KIRREL3: variants seen among roughly 807,000 people sequenced by gnomAD.
KIRREL3 encodes the protein kin of IRRE-like protein 3.
Under a neutral mutation model 89.7 loss-of-function variants are expected in KIRREL3, and 36 were observed. The ratio of observed to expected loss-of-function variants is 0.40; its 90% CI spans 0.31 to 0.53. KIRREL3 has a LOEUF of 0.53. KIRREL3 is among the 20% of genes least tolerant of loss of function. The pLI is 0.49. For synonymous variants in KIRREL3, 445 were observed against 441.4 expected (o/e 1.01, Z -0.10); for missense variants, 864 against 1,056.6 (o/e 0.82, Z 2.53).
intron 1 of KIRREL3, among the ~76,000 whole-genome samples, chr11:126,864,362 C>T (rs1392365376): frequency 6.6e-6 from 1 of 152,154 alleles, no homozygotes; most frequent in East Asian, 1.9e-4. Context: ...GCTCCTTTTT[C>T]CTCCATGAAA....
At chr11:126,944,436 A>G (rs7932933) in intron 1 of KIRREL3, 14,398 of 152,272 alleles carry the variant, frequency 0.095, 772 homozygotes, top group African/African-American at 0.15. Flanking sequence ...CACTGTGAAG[A>G]AAGAGTAATG....
chr11:126,431,162 A>C lies in KIRREL3; in HGVS notation c.1696+257T>G. 5 of 1,446,052 alleles carry C rather than the reference A, an allele frequency of 3.5e-6. No homozygotes were observed. Among genetic ancestry groups the C allele is most frequent in the Non-Finnish European group, 3.6e-6 (4 of 1,101,480 alleles). The allele number at this position is 1,446,052 out of a possible 1,614,324, so 89.6% of individuals were successfully genotyped here. A position where few individuals can be genotyped will look rare whatever the true frequency, so the allele number is the denominator to read the frequency against. On this transcript the variant is annotated intron_variant, in intron 14 of 16. Coordinates refer to ENST00000525144, the MANE Select transcript of KIRREL3 (RefSeq NM_032531.4). This position sits in a 1 kb window ranked among gnomAD's most constrained non-coding sequence, Gnocchi z 7.1. ...TCCTGACTGAAAGAGCTATGTGTTC[A>C]ATCCAAAATGCTGGCTGCCCTGCAG...
chr11:126,434,932 C>T (rs572795013), intron 13 of KIRREL3, among the ~76,000 whole-genome samples: 1 of 152,172 alleles, frequency 6.6e-6, no homozygotes, highest in East Asian at 1.9e-4. Context: ...GCAGTCAGGA[C>T]AGGGGCCAGC....
intron 1 of KIRREL3, among the ~76,000 whole-genome samples, chr11:126,790,701 G>C (rs774738954): frequency 1.4e-4 from 22 of 152,166 alleles, no homozygotes; most frequent in Non-Finnish European, 2.5e-4. Context: ...GTGAGTCAGA[G>C]GAAAGAGTGA....
At chr11:126,863,462 CGT>C (rs72096305) in intron 1 of KIRREL3, among the ~76,000 whole-genome samples, 107,714 of 132,170 alleles carry the variant, frequency 0.81, 43,292 homozygotes, top group East Asian at 0.96. Flanking sequence ...TGTTTGAGTG[CGT>C]GTGTGTGTGA....
chr11:126,467,534 G>A (rs888284960), intron 5 of KIRREL3, among the ~76,000 whole-genome samples: 2 of 152,182 alleles, frequency 1.3e-5, no homozygotes, highest in Non-Finnish European at 2.9e-5. Context: ...CCGATGACAG[G>A]CAAACCGTCT....
chr11:126,424,420 C>G lies in KIRREL3; in HGVS notation c.*160G>C. The G allele has an allele frequency of 6.8e-6, 3 of 440,584 alleles. No homozygotes were observed. Among genetic ancestry groups the G allele is most frequent in the Non-Finnish European group, 1.2e-5 (3 of 242,698 alleles). 27.3% of individuals were successfully genotyped at this position (440,584 alleles called of 1,614,324 possible). A position where few individuals can be genotyped will look rare whatever the true frequency, so the allele number is the denominator to read the frequency against. On this transcript the variant is annotated 3_prime_UTR_variant, in exon 17 of 17. Coordinates refer to ENST00000525144, the MANE Select transcript of KIRREL3 (RefSeq NM_032531.4). ...CAGCACCTGGGGACCCAGATTTGTG[C>G]TTGATCAGAGCTTCGAAGGAAGGCA...
chr11:126,746,120 C>T (rs1265245174), intron 1 of KIRREL3, among the ~76,000 whole-genome samples: 3 of 152,124 alleles, frequency 2.0e-5, no homozygotes, highest in Non-Finnish European at 4.4e-5. Flanking sequence ...TTGGTGGTCC[C>T]TGAGGGTCCA....
At chr11:126,442,544 T>C (rs1332160370) in intron 10 of KIRREL3, among the ~76,000 whole-genome samples, 1 of 152,148 alleles carries the variant, frequency 6.6e-6, no homozygotes, top group Non-Finnish European at 1.5e-5. Context: ...TCGGTTGAGG[T>C]GTGTGCCAAT....
At chr11:126,539,580 G>A (rs1475825880) in intron 2 of KIRREL3, among the ~76,000 whole-genome samples, 1 of 152,234 alleles carries the variant, frequency 6.6e-6, no homozygotes, top group Non-Finnish European at 1.5e-5. Flanking sequence ...TTTGGGGGTA[G>A]AACTGATAGT....
At chr11:126,706,396 T>C (rs1370505520) in intron 1 of KIRREL3, among the ~76,000 whole-genome samples, 4 of 152,260 alleles carry the variant, frequency 2.6e-5, no homozygotes, top group African/African-American at 9.6e-5. Flanking sequence ...AAATATCGTT[T>C]AAGTACAATT....
intron 1 of KIRREL3, among the ~76,000 whole-genome samples, chr11:126,617,047 C>A (rs1272753862): frequency 2.6e-5 from 4 of 152,240 alleles, no homozygotes; most frequent in Non-Finnish European, 5.9e-5. Context: ...TTCCAGTTTT[C>A]CATCAGAGCA....
At chr11:126,437,794 C>T (rs901088783) in intron 11 of KIRREL3, among the ~76,000 whole-genome samples, 28 of 152,144 alleles carry the variant, frequency 1.8e-4, no homozygotes, top group African/African-American at 4.8e-4. Flanking sequence ...AGCATGCTTA[C>T]ACACATGTAC....
At position 126,697,891 on chromosome 11, in the gene KIRREL3, A is replaced by G. The variant is rs1261577979; in HGVS notation, c.56-134979T>C. On this transcript the variant is annotated intron_variant, in intron 1 of 16. Coordinates refer to ENST00000525144, the MANE Select transcript of KIRREL3 (RefSeq NM_032531.4). This position sits in a 1 kb window ranked among gnomAD's most constrained non-coding sequence, Gnocchi z 4.2. ...AGGAGAGTGGGAGGAAGGGAGAGTG[A>G]AGGAAGAAGAGAGGGAAAGTGATGA... Among the ~76,000 whole-genome samples, 2 of 152,192 alleles carry G rather than the reference A, an allele frequency of 1.3e-5. No homozygotes were observed. Among genetic ancestry groups the G allele is most frequent in the African/African-American group, 4.8e-5 (2 of 41,448 alleles).
chr11:126,658,884 A>G (rs1431017672), intron 1 of KIRREL3, among the ~76,000 whole-genome samples: 3 of 152,216 alleles, frequency 2.0e-5, no homozygotes, highest in Admixed American at 2.0e-4. Context: ...CGGACTTGTT[A>G]CTTTGTCCAC....
rs1211316085 is a variant in KIRREL3, at chr11:126,655,366, C to T, written c.56-92454G>A. ...CCAAGGTGCTAACTGCCTGAATCCT[C>T]GGTGGGTTTGCACAGCTCTCTGCTC... On this transcript the variant is annotated intron_variant, in intron 1 of 16. Coordinates refer to ENST00000525144, the MANE Select transcript of KIRREL3 (RefSeq NM_032531.4). This position sits in a 1 kb window ranked among gnomAD's most constrained non-coding sequence, Gnocchi z 5.0. 3.3e-5 allele frequency among the ~76,000 whole-genome samples: 5 copies of T among 152,294 alleles called. No individual in the cohort carries two copies. Among genetic ancestry groups the T allele is most frequent in the African/African-American group, 9.6e-5 (4 of 41,570 alleles).
intron 1 of KIRREL3, among the ~76,000 whole-genome samples, chr11:126,958,507 C>G (rs994194975): frequency 1.3e-5 from 2 of 152,224 alleles, no homozygotes; most frequent in East Asian, 3.9e-4. Context: ...GCACTTGGGT[C>G]AGCCCCATCC....
rs77402090 is a variant in KIRREL3 at position 126,958,516 on chromosome 11, C to T, written c.55+41939G>A. 7.4e-3 allele frequency among the ~76,000 whole-genome samples: 1,129 copies of T among 152,300 alleles called. 10 individuals carry two copies. Among genetic ancestry groups the T allele is most frequent in the Non-Finnish European group, 0.012 (797 of 68,028 alleles). On this transcript the variant is annotated intron_variant, in intron 1 of 16. Transcript: ENST00000525144. ...CACTCAGCACTTGGGTCAGCCCCAT[C>T]CCTACCTGGGTGTGTTCACTCACTC...
intron 1 of KIRREL3, among the ~76,000 whole-genome samples, chr11:126,638,384 G>T (rs1473748471): frequency 6.6e-6 from 1 of 152,208 alleles, no homozygotes; most frequent in Non-Finnish European, 1.5e-5. Context: ...ACTAAAGTCA[G>T]TCCTCTCCTT....
Sources: allele counts gnomAD v4.1 joint callset (sites outside exome capture counted in the v4.1 genomes callset), GRCh38; gene constraint gnomAD v4.1.1; non-coding constraint Gnocchi (gnomAD v3.1); transcripts MANE v1.5; gene names NCBI Gene and HGNC (gene_info 2026-07-23, HGNC 2026-07-21).